LPIN2: variants seen among roughly 807,000 people sequenced by gnomAD.
LPIN2 encodes the protein lipin 2.
Under a neutral mutation model 111.4 loss-of-function variants are expected in LPIN2, and 55 were observed. The ratio of observed to expected loss-of-function variants is 0.49; its 90% CI spans 0.40 to 0.62. LPIN2 has a LOEUF of 0.62. LPIN2 is among the 20% of genes least tolerant of loss of function. The pLI, the probability that LPIN2 is intolerant of heterozygous loss-of-function variation, is 0.00. For missense variants in LPIN2, 992 were observed against 1,112.1 expected, an observed-to-expected ratio of 0.89 and a Z score of 1.54; for synonymous variants, 425 against 414.0, an observed-to-expected ratio of 1.03 and a Z score of -0.32.
At chr18:2,932,010 A>T (rs1340003996) in intron 8 of LPIN2, among the ~76,000 whole-genome samples, 2 of 152,386 alleles carry the variant, frequency 1.3e-5, no homozygotes, top group Admixed American at 1.3e-4. Context: ...CTAGAAAAAG[A>T]AATGTATTCA....
intron 1 of LPIN2, among the ~76,000 whole-genome samples, chr18:2,974,598 T>C (rs1018560018): frequency 1.7e-4 from 26 of 152,218 alleles, no homozygotes; most frequent in African/African-American, 5.5e-4. Flanking sequence ...ACAAATTACA[T>C]AAGCTGTAAT....
At position 2,928,491 on chromosome 18, in the gene LPIN2, T is replaced by C. The variant is rs993481618; in HGVS notation, c.1620+100A>G. The C allele has an allele frequency of 1.1e-5, 13 of 1,170,996 alleles. No homozygotes were observed. The Admixed American group carries it at 1.7e-4, about 15-fold the overall frequency. The allele number at this position is 1,170,996 out of a possible 1,614,324, so 72.5% of individuals were successfully genotyped here. On this transcript the variant is annotated intron_variant, in intron 11 of 19. Transcript: ENST00000677752. ...TTAAATATTAAGCTCAAGTAAAACT[T>C]TGAATAGTACCCAGTTCAGAAATAT...
intron 1 of LPIN2, among the ~76,000 whole-genome samples, chr18:2,999,372 G>A (rs534348261): frequency 3.9e-5 from 6 of 152,082 alleles, no homozygotes; most frequent in African/African-American, 7.2e-5. Context: ...CAAAGCGGGC[G>A]GATCACGAGG....
chr18:3,012,466 C>A (rs1420650611), intron 1 of LPIN2, among the ~76,000 whole-genome samples: 1 of 150,714 alleles, frequency 6.6e-6, no homozygotes, highest in Non-Finnish European at 1.5e-5. Context: ...TGAACGTGTT[C>A]CTCACAAATT....
chr18:2,954,431 A>C, intron 3 of LPIN2, 73 bp downstream of exon 3: 1 of 1,032,732 alleles, frequency 9.7e-7, no homozygotes, highest in Non-Finnish European at 1.5e-6. Context: ...AAAACTGCTA[A>C]ACGGTCCGTC....
chr18:2,973,068 C>T (rs2077948470), intron 1 of LPIN2, among the ~76,000 whole-genome samples: 1 of 152,104 alleles, frequency 6.6e-6, no homozygotes, highest in African/African-American at 2.4e-5. Context: ...CTTAAGTTAA[C>T]CTTTGTGTAA....
chr18:2,938,221 C>A (rs1178710888), intron 6 of LPIN2, among the ~76,000 whole-genome samples, 184 bp from the exon 7 acceptor site: 2 of 152,064 alleles, frequency 1.3e-5, no homozygotes, highest in Non-Finnish European at 2.9e-5. Flanking sequence ...TGTTCAATAT[C>A]ATGATACTTA....
In LPIN2 at chr18:2,982,002, T is replaced by C. The variant is rs369188357; in HGVS notation, c.-9-21153A>G. Among the ~76,000 whole-genome samples, 19 of 152,346 alleles carry C rather than the reference T, an allele frequency of 1.2e-4. 1 individual carries two copies. In the East Asian group the frequency reaches 2.5e-3, roughly 20 times the overall value. The stretch of plus-strand genomic sequence containing the variant: ...AAAGCTTCCACAGGTAGAGTTACAC[T>C]GTCCTCAAGTCACTTGATTTTGTTT... On this transcript the variant is annotated intron_variant, in intron 1 of 19. Transcript: ENST00000677752.
chr18:2,984,550 G>A (rs1002097579), intron 1 of LPIN2, among the ~76,000 whole-genome samples: 3 of 152,100 alleles, frequency 2.0e-5, no homozygotes, highest in Non-Finnish European at 2.9e-5. Flanking sequence ...AGGCTAGTAG[G>A]AGAAAGAGAG....
chr18:2,978,457 A>T (rs1396958661), intron 1 of LPIN2, among the ~76,000 whole-genome samples: 1 of 152,166 alleles, frequency 6.6e-6, no homozygotes, highest in Non-Finnish European at 1.5e-5. Context: ...TAATTATGAG[A>T]CAACATCAGA....
chr18:2,948,681 A>C (rs1379413719), intron 4 of LPIN2, among the ~76,000 whole-genome samples: 2 of 152,212 alleles, frequency 1.3e-5, no homozygotes, highest in African/African-American at 4.8e-5. Context: ...CACTTCTGGG[A>C]GCATTACAAG....
chr18:3,001,660 A>T (rs584185), intron 1 of LPIN2, among the ~76,000 whole-genome samples: 1 of 152,022 alleles, frequency 6.6e-6, no homozygotes, highest in African/African-American at 2.4e-5. Flanking sequence ...GCATGGAATC[A>T]AATCCCACAA....
rs750240022 is a variant in LPIN2 at position 2,934,332 on chromosome 18, TA to T, written c.1268+18del. 1 of 1,532,818 alleles carries T rather than the reference TA, an allele frequency of 6.5e-7. No individual in the cohort carries two copies. Among genetic ancestry groups the T allele is most frequent in the South Asian group, 1.1e-5 (1 of 89,194 alleles). 95.0% of individuals were successfully genotyped at this position (1,532,818 alleles called of 1,614,324 possible). A position where few individuals can be genotyped will look rare whatever the true frequency, so the allele number is the denominator to read the frequency against. On this transcript the variant is annotated intron_variant, in intron 8 of 19. Transcript: ENST00000677752. The stretch of plus-strand genomic sequence containing the variant: ...AGACTATTTCAGAGCTGTCCTTCAA[TA>T]AATAAGGACCACTCTACCTTTTAGG...
chr18:2,959,523 A>C (rs1438775580), intron 2 of LPIN2, among the ~76,000 whole-genome samples: 3 of 152,322 alleles, frequency 2.0e-5, no homozygotes, highest in Admixed American at 2.0e-4. Context: ...AAGCCTTTCT[A>C]TGTTATTTAA....
At chr18:2,928,693 C>T (rs746844262) in intron 10 of LPIN2, 33 bp from the exon 11 acceptor site, 54 of 1,538,220 alleles carry the variant, frequency 3.5e-5, no homozygotes, top group Non-Finnish European at 4.7e-5. Flanking sequence ...AAAACCATTA[C>T]ACAGTGAAAG....
chr18:2,983,625 C>T (rs1233521310), intron 1 of LPIN2, among the ~76,000 whole-genome samples: 1 of 152,132 alleles, frequency 6.6e-6, no homozygotes, highest in Admixed American at 6.5e-5. Context: ...CAATGGCAAT[C>T]AGGCCAGTAC....
At chr18:2,945,549 A>G in intron 4 of LPIN2, 3 of 1,421,436 alleles carry the variant, frequency 2.1e-6, no homozygotes, top group African/African-American at 1.4e-5. Flanking sequence ...CTCCCACTCA[A>G]TCTGCTGTGT....
At chr18:2,961,938 T>C (rs1218925744) in intron 1 of LPIN2, among the ~76,000 whole-genome samples, 1 of 152,168 alleles carries the variant, frequency 6.6e-6, no homozygotes, top group Non-Finnish European at 1.5e-5. Flanking sequence ...GCTCGTGGTT[T>C]CTCTACACCC....
intron 4 of LPIN2, among the ~76,000 whole-genome samples, chr18:2,948,784 A>C (rs1302480904): frequency 6.6e-6 from 1 of 152,128 alleles, no homozygotes; most frequent in East Asian, 1.9e-4. Context: ...AGTATGCATA[A>C]GACAAAACTT....
Sources: gnomAD v4.1 joint callset for allele counts (sites outside exome capture counted in the v4.1 genomes callset) on GRCh38, gnomAD v4.1.1 for gene constraint, MANE v1.5 for transcripts, NCBI Gene and HGNC (gene_info 2026-07-23, HGNC 2026-07-21) for gene names.